NCOA7: variants seen among roughly 807,000 people sequenced by gnomAD.
NCOA7 encodes the protein nuclear receptor coactivator 7.
A neutral mutation model predicts 104.3 loss-of-function variants in NCOA7; 45 were observed. The ratio of observed to expected loss-of-function variants is 0.43; its 90% CI spans 0.34 to 0.55. The LOEUF is 0.55. Ranked by LOEUF, NCOA7 falls within the 20% of genes least tolerant of loss-of-function variation. The pLI, the probability that NCOA7 is intolerant of heterozygous loss-of-function variation, is 0.02. For missense variants in NCOA7, 1,041 were observed against 1,119.7 expected, an observed-to-expected ratio of 0.93 and a Z score of 1.00; for synonymous variants, 398 against 402.3, an observed-to-expected ratio of 0.99 and a Z score of 0.13.
chr6:125,820,896 C>T (rs962659120), intron 2 of NCOA7, among the ~76,000 whole-genome samples: 1 of 152,140 alleles, frequency 6.6e-6, no homozygotes, highest in Non-Finnish European at 1.5e-5. Context: ...AGTCAAAGGG[C>T]CTTGAGAAAC....
rs540399586 is a variant in NCOA7 at position 125,898,864 on chromosome 6, A to G, written c.2096+8054A>G. Among the ~76,000 whole-genome samples the G allele has an allele frequency of 2.0e-5, 3 of 152,270 alleles. No individual in the cohort carries two copies. In the East Asian group the frequency reaches 5.8e-4, roughly 29 times the overall value. ...TGTTATTTCTTATAATTAAAATTAT[A>G]CAGACTAATATTTAGAAAATACAGA... is the stretch of plus-strand genomic sequence containing the variant. On this transcript the variant is annotated intron_variant, in intron 10 of 15. Transcript: ENST00000392477.
intron 2 of NCOA7, among the ~76,000 whole-genome samples, chr6:125,850,075 A>AG (rs1384056742): frequency 6.6e-6 from 1 of 152,224 alleles, no homozygotes; most frequent in Non-Finnish European, 1.5e-5. Flanking sequence ...TAAAAACAAA[A>AG]GGTAAGGACT....
chr6:125,847,991 G>A (rs1583364767), intron 2 of NCOA7, among the ~76,000 whole-genome samples: 1 of 152,198 alleles, frequency 6.6e-6, no homozygotes, highest in African/African-American at 2.4e-5. Context: ...GTGGGCAAAG[G>A]AATGAACAGA....
At chr6:125,811,628 C>T (rs113883895) in intron 1 of NCOA7, among the ~76,000 whole-genome samples, 199 of 152,244 alleles carry the variant, frequency 1.3e-3, no homozygotes, top group African/African-American at 4.2e-3. Context: ...GTTGGGGAGA[C>T]GCCCAGGGGG....
chr6:125,836,511 T>C (rs1481008288), intron 2 of NCOA7, among the ~76,000 whole-genome samples: 3 of 152,166 alleles, frequency 2.0e-5, no homozygotes, highest in Admixed American at 6.5e-5. Flanking sequence ...ATATTTATTT[T>C]CCCCCATCTG....
rs141470742 is a variant in NCOA7 at position 125,876,294 on chromosome 6, A to G, written c.351+1326A>G. The stretch of plus-strand genomic sequence containing the variant: ...CAATGCCCTGTGAACGTCTCTAGAC[A>G]TCTTTCTAAAGTGTATAAGCATAGT... On this transcript the variant is annotated intron_variant, in intron 4 of 15. Coordinates refer to ENST00000392477, the MANE Select transcript of NCOA7 (RefSeq NM_181782.5). Among the ~76,000 whole-genome samples the G allele has an allele frequency of 4.0e-3, 609 of 152,350 alleles. 3 individuals carry two copies. The highest frequency in any genetic ancestry group is 0.014 in the African/African-American group (584 of 41,588).
At chr6:125,923,537 G>T (rs964318482) in intron 13 of NCOA7, among the ~76,000 whole-genome samples, 1 of 152,140 alleles carries the variant, frequency 6.6e-6, no homozygotes, top group East Asian at 1.9e-4. Context: ...CTTGCATCAT[G>T]AAAGGAAGAC....
chr6:125,912,159 A>G lies in NCOA7; in HGVS notation c.2097-3174A>G, dbSNP rs1786626542. On this transcript the variant is annotated intron_variant, in intron 10 of 15. Transcript: ENST00000392477. The stretch of plus-strand genomic sequence containing the variant: ...GGTCCACTAGATGCTGTGGCTCATG[A>G]TAGATCTTCAGATGTTTGGTGGGCA... 1.3e-5 allele frequency among the ~76,000 whole-genome samples: 2 copies of G among 151,986 alleles called. 1 individual carries two copies. Among genetic ancestry groups the G allele is most frequent in the South Asian group, 4.2e-4 (2 of 4,818 alleles).
intron 13 of NCOA7, among the ~76,000 whole-genome samples, chr6:125,924,182 C>T (rs1787823757): frequency 6.6e-6 from 1 of 152,228 alleles, no homozygotes; most frequent in Non-Finnish European, 1.5e-5. Flanking sequence ...TTAGAGCACA[C>T]ATACAGACTC....
At chr6:125,868,738 C>T (rs910503308) in intron 3 of NCOA7, among the ~76,000 whole-genome samples, 1 of 152,218 alleles carries the variant, frequency 6.6e-6, no homozygotes, top group Non-Finnish European at 1.5e-5. Context: ...GTACCCCTTT[C>T]TTTGAAAAAT....
chr6:125,885,411 G>A (rs1251451092), intron 8 of NCOA7, 68 bp downstream of exon 8: 13 of 1,512,578 alleles, frequency 8.6e-6, no homozygotes, highest in Non-Finnish European at 1.2e-5. Flanking sequence ...TTAAAAATGA[G>A]GGCATTTGCA....
rs1388701272 is a variant in NCOA7 at position 125,882,416 on chromosome 6, C to T, written c.574-10C>T. On this transcript the variant is annotated splice_polypyrimidine_tract_variant and intron_variant, in intron 6 of 15. Transcript: ENST00000392477. ...TTTTATTTGATTTTGAAATTTTTTG[C>T]TTTCACAAGGATGCTGACTTAGCAC... 2 of 1,608,012 alleles carry T rather than the reference C, an allele frequency of 1.2e-6. No individual in the cohort carries two copies. The highest frequency in any genetic ancestry group is 1.7e-6 in the Non-Finnish European group (2 of 1,178,550).
chr6:125,860,961 A>C (rs1463001572), intron 3 of NCOA7, among the ~76,000 whole-genome samples: 1 of 152,238 alleles, frequency 6.6e-6, no homozygotes, highest in East Asian at 1.9e-4. Context: ...TATACTTGGG[A>C]GGTCTTATAA....
At position 125,921,072 on chromosome 6, in the gene NCOA7, G is replaced by A; in HGVS notation, c.2370+4G>A. 6.2e-7 allele frequency: 1 copy of A among 1,611,536 alleles called. No homozygotes were observed. Among genetic ancestry groups the A allele is most frequent in the Non-Finnish European group, 8.5e-7 (1 of 1,178,524 alleles). ...GGAGAATATGCACATCGAGCAGGTG[G>A]GCTCGCCCTGGCCACCAAGGGTGGG... On this transcript the variant is annotated splice_donor_region_variant and intron_variant, in intron 12 of 15. Coordinates refer to ENST00000392477, the MANE Select transcript of NCOA7 (RefSeq NM_181782.5).
At chr6:125,910,989 CAA>C (rs755781736) in intron 10 of NCOA7, among the ~76,000 whole-genome samples, 12 of 152,144 alleles carry the variant, frequency 7.9e-5, no homozygotes, top group Admixed American at 3.3e-4. Flanking sequence ...GTGGGGGTGA[CAA>C]AGTCAGCGGA....
intron 10 of NCOA7, among the ~76,000 whole-genome samples, chr6:125,893,435 C>G (rs1738282043): frequency 6.6e-6 from 1 of 152,100 alleles, no homozygotes; most frequent in African/African-American, 2.4e-5. Flanking sequence ...TCTATTGTTC[C>G]TAATACTTTT....
intron 1 of NCOA7, chr6:125,797,862 A>G (rs1487181828): frequency 6.6e-6 from 1 of 152,208 alleles, no homozygotes; most frequent in Non-Finnish European, 1.5e-5. Flanking sequence ...ACTCTTTGAT[A>G]TTTTGAATCA....
chr6:125,824,653 C>A (rs1419001501), intron 2 of NCOA7, among the ~76,000 whole-genome samples: 1 of 152,088 alleles, frequency 6.6e-6, no homozygotes, highest in East Asian at 1.9e-4. Context: ...TGTCTGTAAA[C>A]CTGCTTTAGT....
At chr6:125,837,188 A>C (rs1397632732) in intron 2 of NCOA7, among the ~76,000 whole-genome samples, 1 of 152,002 alleles carries the variant, frequency 6.6e-6, no homozygotes, top group Non-Finnish European at 1.5e-5. Flanking sequence ...ATGAAATTTG[A>C]CATAGATAAC....
Sources: gnomAD v4.1 joint callset for allele counts (sites outside exome capture counted in the v4.1 genomes callset) on GRCh38, gnomAD v4.1.1 for gene constraint, MANE v1.5 for transcripts, NCBI Gene and HGNC (gene_info 2026-07-23, HGNC 2026-07-21) for gene names.